Variants in RFC3 observed in about 807,000 individuals in gnomAD.
The protein encoded by RFC3 is replication factor C subunit 3, also known as A1 38 kDa subunit.
In RFC3, 41 loss-of-function variants were observed where a neutral mutation model predicts 45.1. The ratio of observed to expected loss-of-function variants is 0.91; its 90% CI spans 0.71 to 1.18. The LOEUF is 1.18. RFC3 is among the 50% of genes most tolerant of loss of function. The probability of loss-of-function intolerance (pLI) is 0.00; values close to 1 mark genes in which losing one functional copy is unlikely to be tolerated. For synonymous variants in RFC3, 149 were observed against 144.0 expected (o/e 1.03, Z -0.25); for missense variants, 423 against 428.1 (o/e 0.99, Z 0.10).
At chr13:33,935,140 T>G (rs1466390582) in intron 8 of RFC3, among the ~76,000 whole-genome samples, 1 of 152,158 alleles carries the variant, frequency 6.6e-6, no homozygotes, top group Non-Finnish European at 1.5e-5. Context: ...TTGAGATTTT[T>G]TTTTTCAAAT....
rs372081640 is a variant in RFC3, at chr13:33,873,833, C to T, written c.879+38616C>T. 5.9e-5 allele frequency among the ~76,000 whole-genome samples: 9 copies of T among 152,246 alleles called. No homozygotes were observed. The South Asian group carries it at 1.5e-3, about 25-fold the overall frequency. ...ACTGCCTGAAATAATTACTTTGAGG[C>T]GGTCAAAGTCCTTTAAAAATGTTTA... On this transcript the variant is annotated intron_variant, in intron 8 of 8. Coordinates refer to the RFC3 transcript ENST00000434425.
chr13:33,902,102 A>C (rs959613321), intron 8 of RFC3, among the ~76,000 whole-genome samples: 1 of 152,092 alleles, frequency 6.6e-6, no homozygotes, highest in Non-Finnish European at 1.5e-5. Context: ...CAGGTTAAAA[A>C]AATGGTGAAT....
chr13:33,953,252 G>A (rs140216952), intron 8 of RFC3, among the ~76,000 whole-genome samples: 8 of 150,798 alleles, frequency 5.3e-5, no homozygotes, highest in Admixed American at 2.6e-4. Context: ...AATTATTAGC[G>A]GTCTAGATCT....
At chr13:33,883,753 T>C (rs1365556080) in intron 8 of RFC3, among the ~76,000 whole-genome samples, 2 of 152,154 alleles carry the variant, frequency 1.3e-5, no homozygotes, top group Non-Finnish European at 2.9e-5. Flanking sequence ...TGGACACATA[T>C]GAGGGAACAA....
chr13:33,974,433 T>C, the RFC3 span, among the ~76,000 whole-genome samples: 1 of 152,196 alleles, frequency 6.6e-6, no homozygotes, highest in East Asian at 1.9e-4. Context: ...TTTTCTCTGC[T>C]GCTAAACAAC....
chr13:33,827,196 G>A (rs2082057708), intron 4 of RFC3, among the ~76,000 whole-genome samples: 1 of 152,182 alleles, frequency 6.6e-6, no homozygotes, highest in Non-Finnish European at 1.5e-5. Context: ...GGCTGAAGCA[G>A]GAGGATTGCT....
chr13:33,887,139 G>T, intron 8 of RFC3, among the ~76,000 whole-genome samples: 2 of 144,874 alleles, frequency 1.4e-5, no homozygotes, highest in African/African-American at 2.6e-5. Context: ...TAGTCCTTTG[G>T]GTATATACCC....
At chr13:33,934,121 G>A (rs2082871085) in intron 8 of RFC3, among the ~76,000 whole-genome samples, 1 of 151,944 alleles carries the variant, frequency 6.6e-6, no homozygotes, top group African/African-American at 2.4e-5. Context: ...TTGAGCTTGA[G>A]CTCAGGAGTA....
At chr13:33,913,178 T>C (rs1236956327) in intron 8 of RFC3, among the ~76,000 whole-genome samples, 2 of 152,092 alleles carry the variant, frequency 1.3e-5, no homozygotes, top group African/African-American at 4.8e-5. Context: ...TAATAACTAG[T>C]TATTTTATGA....
chr13:33,892,190 C>T (rs9315266), intron 8 of RFC3, among the ~76,000 whole-genome samples: 10,615 of 152,086 alleles, frequency 0.07, 606 homozygotes, highest in African/African-American at 0.15. Flanking sequence ...CAGAAATTTG[C>T]TGTTCCTTAG....
intron 8 of RFC3, among the ~76,000 whole-genome samples, chr13:33,868,037 G>A (rs538339853): frequency 6.6e-6 from 1 of 152,340 alleles, no homozygotes; most frequent in East Asian, 1.9e-4. Flanking sequence ...GCTGGAGGCA[G>A]TAACTGACAA....
chr13:33,865,917 G>A (rs2082370534), intron 8 of RFC3, among the ~76,000 whole-genome samples: 1 of 152,068 alleles, frequency 6.6e-6, no homozygotes, highest in African/African-American at 2.4e-5. Context: ...AAATTAGCTG[G>A]GCGTGGTGGC....
chr13:33,954,019 G>A (rs1235362640), intron 8 of RFC3, among the ~76,000 whole-genome samples: 1 of 152,110 alleles, frequency 6.6e-6, no homozygotes, highest in Non-Finnish European at 1.5e-5. Context: ...CTACAAACAA[G>A]ATTTTAAAGG....
chr13:33,939,472 T>C (rs1392043274), intron 8 of RFC3, among the ~76,000 whole-genome samples: 3 of 152,212 alleles, frequency 2.0e-5, no homozygotes, highest in African/African-American at 7.2e-5. Flanking sequence ...AGGCTCTCTC[T>C]GTGTGACTCC....
chr13:33,976,321 C>T, the RFC3 span, among the ~76,000 whole-genome samples: 2 of 151,982 alleles, frequency 1.3e-5, no homozygotes, highest in African/African-American at 4.8e-5. Context: ...GTGAAATAAG[C>T]CAGGTACAAA....
At chr13:33,970,421 A>G (rs2083105211), downstream of RFC3, among the ~76,000 whole-genome samples, 1 of 152,208 alleles carries the variant, frequency 6.6e-6, no homozygotes, top group South Asian at 2.1e-4. Context: ...TTTAAACAGA[A>G]TGCTTTATGT....
At chr13:33,887,422 A>C (rs2082533166) in intron 8 of RFC3, among the ~76,000 whole-genome samples, 1 of 152,066 alleles carries the variant, frequency 6.6e-6, no homozygotes, top group Admixed American at 6.5e-5. Flanking sequence ...TTTTGGCTGC[A>C]TAAATGTCTT....
chr13:33,842,991 T>G lies in RFC3; in HGVS notation c.879+7774T>G, dbSNP rs139259785. Among the ~76,000 whole-genome samples, 49 of 152,318 alleles carry G rather than the reference T, an allele frequency of 3.2e-4. No individual in the cohort carries two copies. The East Asian group carries it at 4.4e-3, about 14-fold the overall frequency. On this transcript the variant is annotated intron_variant, in intron 8 of 8. Coordinates refer to the RFC3 transcript ENST00000434425. ...TGTAGTTTTAAGTGCTGTTTTACAC[T>G]CTGAGATTTATCAGAATTGAGTAAT...
chr13:33,950,109 C>T (rs937104092), intron 8 of RFC3, among the ~76,000 whole-genome samples: 3 of 148,774 alleles, frequency 2.0e-5, no homozygotes, highest in Admixed American at 2.0e-4. Context: ...ACACACACCC[C>T]GTTATGGTTT....
Sources: allele counts gnomAD v4.1 joint callset (sites outside exome capture counted in the v4.1 genomes callset), GRCh38; gene constraint gnomAD v4.1.1; transcripts MANE v1.5; gene names NCBI Gene and HGNC (gene_info 2026-07-23, HGNC 2026-07-21).